RNFT2: variants seen among roughly 807,000 people sequenced by gnomAD.
RNFT2 encodes E3 ubiquitin-protein ligase RNFT2.
In RNFT2, 36 loss-of-function variants were observed where a neutral mutation model predicts 53.0. The observed-to-expected ratio is 0.68, with a 90% confidence interval of 0.52 to 0.90. The LOEUF is 0.90. Among genes scored for constraint, RNFT2 ranks in the 40% least tolerant of loss-of-function variants. RNFT2 has a pLI of 0.00. For synonymous variants in RNFT2, 260 were observed against 253.2 expected (o/e 1.03, Z -0.26); for missense variants, 514 against 585.6 (o/e 0.88, Z 1.26).
At chr12:116,793,561 C>G (rs546754147) in intron 7 of RNFT2, among the ~76,000 whole-genome samples, 1 of 152,276 alleles carries the variant, frequency 6.6e-6, no homozygotes, top group African/African-American at 2.4e-5. Flanking sequence ...CCGACATCAT[C>G]ACCCATGACT....
At position 116,849,790 on chromosome 12, in the gene RNFT2, T is replaced by G. The variant is rs1366022413; in HGVS notation, c.*342T>G. ...GTTATTTTCTCTTTCTTTTTTCTTT[T>G]CTTTTCTTTCTCTCTCTCTCTGTTT... On this transcript the variant is annotated 3_prime_UTR_variant, in exon 11 of 11. Transcript: ENST00000257575. The G allele has an allele frequency of 9.7e-7, 1 of 1,028,008 alleles. No homozygotes were observed. Among genetic ancestry groups the G allele is most frequent in the Admixed American group, 5.3e-5 (1 of 19,026 alleles). 63.7% of individuals were successfully genotyped at this position (1,028,008 alleles called of 1,614,324 possible). A position where few individuals can be genotyped will look rare whatever the true frequency, so the allele number is the denominator to read the frequency against.
At chr12:116,767,526 A>G (rs1057479105) in intron 6 of RNFT2, among the ~76,000 whole-genome samples, 2 of 149,814 alleles carry the variant, frequency 1.3e-5, no homozygotes, top group Admixed American at 6.7e-5. Flanking sequence ...CCTGGCCCCG[A>G]AAGATTGTCA....
intron 7 of RNFT2, among the ~76,000 whole-genome samples, chr12:116,804,688 A>T (rs1874960187): frequency 6.6e-6 from 1 of 152,182 alleles, no homozygotes; most frequent in African/African-American, 2.4e-5. Context: ...TTCTCGAGGC[A>T]GGCTGGGTGC....
chr12:116,798,377 A>G (rs1209162854), intron 7 of RNFT2, among the ~76,000 whole-genome samples: 2 of 152,204 alleles, frequency 1.3e-5, no homozygotes, highest in Non-Finnish European at 2.9e-5. Context: ...GGATAAATAC[A>G]TAGAGAAAAC....
At chr12:116,842,384 C>G (rs551930747) in intron 10 of RNFT2, among the ~76,000 whole-genome samples, 74 of 152,206 alleles carry the variant, frequency 4.9e-4, no homozygotes, top group African/African-American at 1.8e-3. Flanking sequence ...AAATCTGCCT[C>G]TCACATGCCC....
At chr12:116,818,005 A>C (rs113683019) in intron 7 of RNFT2, among the ~76,000 whole-genome samples, 7 of 152,340 alleles carry the variant, frequency 4.6e-5, no homozygotes, top group African/African-American at 1.7e-4. Flanking sequence ...AAATAAAAAC[A>C]ATTCATGGAG....
chr12:116,814,748 G>A (rs770148973), intron 7 of RNFT2, among the ~76,000 whole-genome samples: 3 of 151,684 alleles, frequency 2.0e-5, no homozygotes, highest in Middle Eastern at 6.3e-3. Context: ...GTGCAATCTC[G>A]GCTGGCTGCA....
At chr12:116,784,965 G>C (rs142704483) in intron 7 of RNFT2, among the ~76,000 whole-genome samples, 3 of 152,216 alleles carry the variant, frequency 2.0e-5, no homozygotes, top group African/African-American at 7.2e-5. Context: ...AAACCCTCCA[G>C]GGGCTGCCCT....
Position 116,850,307 on chromosome 12 carries a change from A to G in RNFT2, c.*859A>G, listed in dbSNP as rs1592997149. On this transcript the variant is annotated 3_prime_UTR_variant, in exon 11 of 11. Transcript: ENST00000257575. ...GTAGCTGGGACTACAGGTGTGTGCC[A>G]CCAGGCCTGGCTAATTTTTTTTTTT... 7.0e-6 allele frequency: 1 copy of G among 142,924 alleles called. No homozygotes were observed. The highest frequency in any genetic ancestry group is 1.5e-5 in the Non-Finnish European group (1 of 66,076). 8.9% of individuals were successfully genotyped at this position (142,924 alleles called of 1,614,324 possible).
chr12:116,766,967 C>T (rs1872943141), intron 6 of RNFT2, 53 bp downstream of exon 6: 1 of 1,306,646 alleles, frequency 7.7e-7, no homozygotes, highest in Non-Finnish European at 1.1e-6. Flanking sequence ...CTTGGCTGGG[C>T]TTGGGGCACG....
rs149164442 is a variant in RNFT2, at chr12:116,792,480, G to A, written c.882+13132G>A. ...CGGACACTGCTAGGGCCGAGGAGGC[G>A]GGGATGGACCCAGCACCCCTTTCTT... On this transcript the variant is annotated intron_variant, in intron 7 of 10. Transcript: ENST00000257575. Among the ~76,000 whole-genome samples the A allele has an allele frequency of 3.3e-3, 498 of 152,268 alleles. 1 individual carries two copies. The highest frequency in any genetic ancestry group is 0.02 in the Middle Eastern group (6 of 294).
At chr12:116,763,552 A>G (rs1872774943) in intron 5 of RNFT2, among the ~76,000 whole-genome samples, 1 of 151,784 alleles carries the variant, frequency 6.6e-6, no homozygotes, top group African/African-American at 2.4e-5. Flanking sequence ...GTGGATCACA[A>G]GGTCAGGAGA....
intron 7 of RNFT2, among the ~76,000 whole-genome samples, chr12:116,793,326 T>A (rs990795260): frequency 2.7e-5 from 4 of 150,802 alleles, no homozygotes; most frequent in African/African-American, 9.8e-5. Flanking sequence ...CCCACCTCAG[T>A]GTCCCACATG....
rs190554466 is a variant in RNFT2, at chr12:116,783,396, A to T, written c.882+4048A>T. On this transcript the variant is annotated intron_variant, in intron 7 of 10. Coordinates refer to ENST00000257575, the MANE Select transcript of RNFT2 (RefSeq NM_001382266.1). ...TCCTTGAAACATCTGCTCAGGCCTCACTCCCTTGTTAGATAATGACAGGTC... is the reference window on the plus strand; with the variant it reads ...TCCTTGAAACATCTGCTCAGGCCTCTCTCCCTTGTTAGATAATGACAGGTC... Among the ~76,000 whole-genome samples the T allele has an allele frequency of 2.0e-5, 3 of 152,058 alleles. No homozygotes were observed. The East Asian group carries it at 5.8e-4, about 29-fold the overall frequency.
In RNFT2 at chr12:116,750,059, G is replaced by A. The variant is rs1409020453; in HGVS notation, c.302G>A (p.Arg101Gln). ...MPASREEGGG[R>Q]GEGGAYHHRQ... ...GCGTCCAGGGAGGAAGGAGGGGGCC[G>A]GGGCGAGGGGGGCGCCTACCACCAC... The change falls in exon 4 of 11, where the codon CGG becomes CAG. Residue 101 changes from arginine to glutamine, a missense_variant. By Grantham distance (43) the Arg-to-Gln change is conservative. This residue lies in a region of RNFT2 where 237 missense variants were observed against 235.1 expected (regional missense o/e 1.01). Transcript: ENST00000257575. 2.6e-6 allele frequency: 4 copies of A among 1,544,392 alleles called. No individual in the cohort carries two copies. Among genetic ancestry groups the A allele is most frequent in the East Asian group, 2.4e-5 (1 of 41,294 alleles).
In RNFT2 at chr12:116,738,871, G is replaced by A. The variant is rs145868621; in HGVS notation, c.-154+501G>A. On this transcript the variant is annotated intron_variant, in intron 1 of 10. Coordinates refer to ENST00000257575, the MANE Select transcript of RNFT2 (RefSeq NM_001382266.1). ...GAATTTTATTTTCCCCCAAGGATTTGCAATGTGGGATAATGGAGGGAGGGG... is the reference window on the plus strand; with the variant it reads ...GAATTTTATTTTCCCCCAAGGATTTACAATGTGGGATAATGGAGGGAGGGG... Among the ~76,000 whole-genome samples the A allele has an allele frequency of 8.9e-3, 1,361 of 152,286 alleles. 12 individuals carry two copies. Among genetic ancestry groups the A allele is most frequent in the Non-Finnish European group, 0.014 (981 of 68,018 alleles).
intron 7 of RNFT2, among the ~76,000 whole-genome samples, chr12:116,790,243 A>G (rs552419305): frequency 7.2e-5 from 11 of 152,230 alleles, no homozygotes; most frequent in Non-Finnish European, 1.5e-4. Flanking sequence ...CTGAGCATTT[A>G]TTATGAGGCA....
At chr12:116,773,628 G>A (rs1873296566) in intron 6 of RNFT2, among the ~76,000 whole-genome samples, 1 of 152,172 alleles carries the variant, frequency 6.6e-6, no homozygotes, top group African/African-American at 2.4e-5. Context: ...TGGCAGTGGT[G>A]AGCACATCTC....
intron 7 of RNFT2, among the ~76,000 whole-genome samples, chr12:116,810,894 C>T (rs1454246322): frequency 6.6e-6 from 1 of 152,158 alleles, no homozygotes; most frequent in Non-Finnish European, 1.5e-5. Context: ...GAAAAGGTAG[C>T]AGAACTGAGA....
Sources: gnomAD v4.1 joint callset for allele counts (sites outside exome capture counted in the v4.1 genomes callset) on GRCh38, gnomAD v4.1.1 for gene constraint, gnomAD v4.1.1 regional missense constraint, MANE v1.5 for transcripts, NCBI Gene and HGNC (gene_info 2026-07-23, HGNC 2026-07-21) for gene names.